The following MAGI2 variants were observed in gnomAD, a reference collection of about 807,000 sequenced individuals.
The protein encoded by MAGI2 is membrane associated guanylate kinase, WW and PDZ domain containing 2.
A neutral mutation model predicts 133.3 loss-of-function variants in MAGI2; 35 were observed. That is an observed-to-expected ratio of 0.26 (90% CI 0.20 to 0.35). The LOEUF (loss-of-function observed/expected upper bound fraction) is 0.35. Among genes scored for constraint, MAGI2 ranks in the 10% least tolerant of loss-of-function variants. The pLI is 1.00. For synonymous variants in MAGI2, 729 were observed against 710.6 expected (o/e 1.03, Z -0.41); for missense variants, 1,636 against 1,863.4 (o/e 0.88, Z 2.25).
At chr7:79,276,027 T>C (rs1356723441) in intron 1 of MAGI2, among the ~76,000 whole-genome samples, 1 of 152,212 alleles carries the variant, frequency 6.6e-6, no homozygotes, top group African/African-American at 2.4e-5. Flanking sequence ...TCATGCCTGC[T>C]AACACCCATT....
intron 6 of MAGI2, among the ~76,000 whole-genome samples, chr7:78,370,966 G>A (rs1294729722): frequency 1.3e-5 from 2 of 151,882 alleles, no homozygotes; most frequent in Non-Finnish European, 2.9e-5. Context: ...CCTTTACTGA[G>A]TATTGTTTGT....
At chr7:78,715,847 A>AGTTTGTATTTTGTATTTTGT (rs59543870) in intron 2 of MAGI2, among the ~76,000 whole-genome samples, 2 of 151,296 alleles carry the variant, frequency 1.3e-5, no homozygotes, top group South Asian at 4.1e-4. Context: ...ATAAATACAA[A>AGTTTGTATTTTGTATTTTGT]ATATAAGTCC....
chr7:78,601,478 T>G (rs1344856505), intron 3 of MAGI2, among the ~76,000 whole-genome samples: 1 of 152,186 alleles, frequency 6.6e-6, no homozygotes, highest in Non-Finnish European at 1.5e-5. Flanking sequence ...TGTTGCATAT[T>G]TTATATAAAA....
intron 2 of MAGI2, among the ~76,000 whole-genome samples, chr7:78,947,930 T>A (rs547859481): frequency 2.6e-5 from 4 of 152,262 alleles, no homozygotes; most frequent in Admixed American, 1.3e-4. Context: ...GATATTCAAA[T>A]AAACTTTCCT....
At chr7:78,552,471 C>T (rs892295081) in intron 3 of MAGI2, among the ~76,000 whole-genome samples, 1 of 152,238 alleles carries the variant, frequency 6.6e-6, no homozygotes, top group Non-Finnish European at 1.5e-5. Flanking sequence ...GCGTAAGCCA[C>T]TGCGCCCGAC....
intron 17 of MAGI2, chr7:78,134,792 T>C (rs1051536024): frequency 1.6e-5 from 7 of 445,864 alleles, no homozygotes; most frequent in Non-Finnish European, 2.8e-5. Flanking sequence ...TAGCCTGCAA[T>C]GTCACATAGC....
chr7:78,401,640 T>G (rs1259834765), intron 6 of MAGI2, among the ~76,000 whole-genome samples: 1 of 152,190 alleles, frequency 6.6e-6, no homozygotes, highest in Non-Finnish European at 1.5e-5. Flanking sequence ...ACTTTTCATT[T>G]GAGGAAGACT....
intron 1 of MAGI2, among the ~76,000 whole-genome samples, chr7:79,326,546 A>G (rs559005297): frequency 6.6e-6 from 1 of 152,316 alleles, no homozygotes; most frequent in East Asian, 1.9e-4. Flanking sequence ...AAGAAGACCT[A>G]TGAAAGGTAT....
chr7:78,866,910 C>T (rs1794606247), intron 2 of MAGI2, among the ~76,000 whole-genome samples: 1 of 152,098 alleles, frequency 6.6e-6, no homozygotes, highest in African/African-American at 2.4e-5. Flanking sequence ...CAAAAGAAGA[C>T]ATTTATGCAG....
At chr7:78,243,267 ACACTCTCT>A (rs71085519) in intron 10 of MAGI2, among the ~76,000 whole-genome samples, 24,473 of 67,584 alleles carry the variant, frequency 0.36, 2,307 homozygotes, top group Non-Finnish European at 0.46. Flanking sequence ...ACACACACAC[ACACTCTCT>A]CTCTCTCTCT....
intron 9 of MAGI2, among the ~76,000 whole-genome samples, chr7:78,311,286 G>C (rs798287): frequency 0.51 from 78,135 of 152,056 alleles, 20,649 homozygotes; most frequent in Middle Eastern, 0.59. Flanking sequence ...AGTGGGGAGG[G>C]TGGAAAAGAG....
intron 9 of MAGI2, among the ~76,000 whole-genome samples, chr7:78,307,685 T>C (rs1422937768): frequency 1.3e-5 from 2 of 152,160 alleles, no homozygotes; most frequent in East Asian, 3.9e-4. Flanking sequence ...AGGTAGACCT[T>C]AATGAATCTA....
chr7:79,136,986 C>T lies in MAGI2; in HGVS notation c.302-129780G>A, dbSNP rs1209306836. ...TCTGTTACTGTATTTACATCAAATA[C>T]AGATTCTTTTTTTTTTGAGATGGAG... On this transcript the variant is annotated intron_variant, in intron 1 of 21. Transcript: ENST00000354212. Among the ~76,000 whole-genome samples the T allele has an allele frequency of 2.0e-5, 3 of 152,026 alleles. No homozygotes were observed. The East Asian group carries it at 5.8e-4, about 29-fold the overall frequency.
intron 1 of MAGI2, among the ~76,000 whole-genome samples, chr7:79,029,416 C>A (rs765241447): frequency 6.6e-6 from 1 of 152,042 alleles, no homozygotes; most frequent in Non-Finnish European, 1.5e-5. Context: ...ATAGAAAACA[C>A]CTTTTTAAAA....
intron 2 of MAGI2, among the ~76,000 whole-genome samples, chr7:78,853,597 T>C (rs1793364744): frequency 6.6e-6 from 1 of 151,708 alleles, no homozygotes; most frequent in South Asian, 2.1e-4. Flanking sequence ...CTCAAGCAAT[T>C]CTCCTGCCTC....
At chr7:79,137,257 G>C (rs1483204203) in intron 1 of MAGI2, among the ~76,000 whole-genome samples, 6 of 152,054 alleles carry the variant, frequency 3.9e-5, no homozygotes, top group African/African-American at 1.4e-4. Context: ...GCCCTTCACA[G>C]TCAGTGCTAA....
Position 78,572,368 on chromosome 7 carries a change from C to T in MAGI2, c.539-50723G>A, listed in dbSNP as rs182780164. Among the ~76,000 whole-genome samples the T allele has an allele frequency of 1.6e-4, 25 of 152,184 alleles. No individual in the cohort carries two copies. The East Asian group carries it at 4.9e-3, about 30-fold the overall frequency. ...ACTCTCATCAAGTAAGTCTAACTTT[C>T]ATCCTTGGTCAAGTAGGTAAGGCAT... On this transcript the variant is annotated intron_variant, in intron 3 of 21. Coordinates refer to ENST00000354212, the MANE Select transcript of MAGI2 (RefSeq NM_012301.4).
intron 9 of MAGI2, among the ~76,000 whole-genome samples, chr7:78,316,946 C>G (rs543634409): frequency 6.6e-6 from 1 of 152,094 alleles, no homozygotes; most frequent in Non-Finnish European, 1.5e-5. Flanking sequence ...TTGCTTCACC[C>G]GTGATTCTCT....
At chr7:78,362,073 G>A (rs774508819) in intron 7 of MAGI2, among the ~76,000 whole-genome samples, 1 of 152,030 alleles carries the variant, frequency 6.6e-6, no homozygotes, top group Non-Finnish European at 1.5e-5. Flanking sequence ...AGGCTGAGGC[G>A]GGTGGATCAC....
Sources: gnomAD v4.1 joint callset for allele counts (sites outside exome capture counted in the v4.1 genomes callset) on GRCh38, gnomAD v4.1.1 for gene constraint, MANE v1.5 for transcripts, NCBI Gene and HGNC (gene_info 2026-07-23, HGNC 2026-07-21) for gene names.